The following FAM171A1 variants were observed in gnomAD, a reference collection of about 807,000 sequenced individuals.
FAM171A1 encodes family with sequence similarity 171 member A1, also known as protein FAM171A1.
A neutral mutation model predicts 74.9 loss-of-function variants in FAM171A1; 23 were observed. That is an observed-to-expected ratio of 0.31 (90% CI 0.22 to 0.44). The LOEUF (loss-of-function observed/expected upper bound fraction) is 0.44. Ranked by LOEUF, FAM171A1 falls within the 20% of genes least tolerant of loss-of-function variation. The pLI is 1.00. For synonymous variants in FAM171A1, 527 were observed against 505.7 expected, an observed-to-expected ratio of 1.04 and a Z score of -0.57; for missense variants, 1,162 against 1,159.2, an observed-to-expected ratio of 1.00 and a Z score of -0.03.
At chr10:15,275,232 C>G (rs1834878299) in intron 3 of FAM171A1, among the ~76,000 whole-genome samples, 1 of 151,666 alleles carries the variant, frequency 6.6e-6, no homozygotes, top group Non-Finnish European at 1.5e-5. Context: ...GCACATGCAC[C>G]CTAGAACTTA....
intron 5 of FAM171A1, among the ~76,000 whole-genome samples, chr10:15,244,379 G>T (rs1343195318): frequency 1.3e-5 from 2 of 152,010 alleles, no homozygotes; most frequent in Admixed American, 6.5e-5. Flanking sequence ...AATTAGCTAG[G>T]CCTGGTGACC....
intron 1 of FAM171A1, among the ~76,000 whole-genome samples, chr10:15,287,327 C>T (rs1230498507): frequency 6.6e-6 from 1 of 151,260 alleles, no homozygotes; most frequent in Non-Finnish European, 1.5e-5. Flanking sequence ...CTCCTGACCA[C>T]GTGATCTGCC....
Position 15,214,611 on chromosome 10 carries a change from A to G in FAM171A1, c.987-10T>C. 1.3e-6 allele frequency: 2 copies of G among 1,565,764 alleles called. No homozygotes were observed. The highest frequency in any genetic ancestry group is 8.6e-7 in the Non-Finnish European group (1 of 1,157,520). On this transcript the variant is annotated splice_polypyrimidine_tract_variant and intron_variant, in intron 7 of 7. Transcript: ENST00000378116. ...TTTCAAGCACTTCCTCCTGCGCCCA[A>G]AGACACAATCCAAAGCCAAAGATTA...
chr10:15,292,626 A>G (rs1835115699), intron 1 of FAM171A1, among the ~76,000 whole-genome samples: 1 of 152,048 alleles, frequency 6.6e-6, no homozygotes, highest in Admixed American at 6.6e-5. Context: ...GATTACAGGG[A>G]CATGCCACCA....
chr10:15,270,098 C>T (rs187460654), intron 3 of FAM171A1, among the ~76,000 whole-genome samples: 4 of 152,140 alleles, frequency 2.6e-5, no homozygotes, highest in Admixed American at 6.5e-5. Flanking sequence ...ACCTAGGAAG[C>T]GCAACGGGTC....
intron 3 of FAM171A1, among the ~76,000 whole-genome samples, chr10:15,270,742 C>T (rs1377090131): frequency 6.6e-5 from 10 of 152,174 alleles, no homozygotes; most frequent in African/African-American, 9.7e-5. Context: ...CTGCAGCCTC[C>T]GCTGGTGATA....
At chr10:15,312,673 G>GTTTTTTTTTTTTTTTTTTTTTTTTTTTTT (rs1169098742) in intron 1 of FAM171A1, among the ~76,000 whole-genome samples, 1 of 36,402 alleles carries the variant, frequency 2.7e-5, no homozygotes, top group Non-Finnish European at 4.7e-5. Flanking sequence ...AGCACTGTGT[G>GTTTTTTTTTTTTTTTTTTTTTTTTTTTTT]TTTTTTTTTT....
At chr10:15,236,856 C>G (rs1333635848) in intron 5 of FAM171A1, among the ~76,000 whole-genome samples, 2 of 149,508 alleles carry the variant, frequency 1.3e-5, no homozygotes, top group African/African-American at 4.9e-5. Flanking sequence ...CTTTGGGAGG[C>G]TGAGGCAGGA....
intron 1 of FAM171A1, among the ~76,000 whole-genome samples, chr10:15,349,983 G>A (rs1278164077): frequency 1.3e-5 from 2 of 152,078 alleles, no homozygotes; most frequent in African/African-American, 4.8e-5. Flanking sequence ...GGTTGAAGAT[G>A]AACCAACCAA....
intron 5 of FAM171A1, among the ~76,000 whole-genome samples, chr10:15,242,856 A>G (rs1419454173): frequency 6.6e-6 from 1 of 152,108 alleles, no homozygotes; most frequent in Non-Finnish European, 1.5e-5. Context: ...TGTCATGGTT[A>G]TTTTTTCAGA....
intron 1 of FAM171A1, among the ~76,000 whole-genome samples, chr10:15,298,099 G>C (rs976301926): frequency 6.6e-6 from 1 of 151,796 alleles, no homozygotes; most frequent in Non-Finnish European, 1.5e-5. Flanking sequence ...ATATACATTT[G>C]ACAGCAAAAC....
intron 5 of FAM171A1, among the ~76,000 whole-genome samples, chr10:15,248,438 C>G (rs538822278): frequency 6.6e-6 from 1 of 152,228 alleles, no homozygotes; most frequent in South Asian, 2.1e-4. Context: ...AATATGAAAA[C>G]TAACAAAAAA....
intron 1 of FAM171A1, among the ~76,000 whole-genome samples, chr10:15,334,303 A>G (rs926164170): frequency 6.6e-6 from 1 of 152,174 alleles, no homozygotes; most frequent in African/African-American, 2.4e-5. Context: ...AGATACCATC[A>G]TCTCCTTGCA....
intron 1 of FAM171A1, among the ~76,000 whole-genome samples, chr10:15,328,621 T>C (rs1835587571): frequency 6.6e-6 from 1 of 152,224 alleles, no homozygotes; most frequent in South Asian, 2.1e-4. Context: ...TGAGCTGCAG[T>C]AGTGCAGGCA....
At chr10:15,339,511 TTTTG>T (rs1048868388) in intron 1 of FAM171A1, among the ~76,000 whole-genome samples, 45 of 152,304 alleles carry the variant, frequency 3.0e-4, no homozygotes, top group African/African-American at 1.0e-3. Context: ...TTTTCTGATG[TTTTG>T]TTTATGATTT....
At chr10:15,279,587 T>C (rs553603293) in intron 2 of FAM171A1, among the ~76,000 whole-genome samples, 19 of 152,260 alleles carry the variant, frequency 1.2e-4, no homozygotes, top group African/African-American at 4.3e-4. Context: ...GGAAGATTTT[T>C]TGACGCAGAA....
intron 1 of FAM171A1, among the ~76,000 whole-genome samples, chr10:15,312,457 G>A (rs1255422553): frequency 6.6e-6 from 1 of 151,552 alleles, no homozygotes; most frequent in Non-Finnish European, 1.5e-5. Flanking sequence ...AGCTTGCTCT[G>A]GTTAAAGCCA....
chr10:15,329,279 G>C (rs1835597942), intron 1 of FAM171A1, among the ~76,000 whole-genome samples: 2 of 152,216 alleles, frequency 1.3e-5, no homozygotes, highest in African/African-American at 2.4e-5. Context: ...GTAGGCTGCA[G>C]GGAAACCACT....
At chr10:15,333,573 A>T (rs1835666610) in intron 1 of FAM171A1, among the ~76,000 whole-genome samples, 1 of 152,118 alleles carries the variant, frequency 6.6e-6, no homozygotes, top group Non-Finnish European at 1.5e-5. Flanking sequence ...TCACACCTGT[A>T]ATCCCAGCAC....
Sources: gnomAD v4.1 joint callset for allele counts (sites outside exome capture counted in the v4.1 genomes callset) on GRCh38, gnomAD v4.1.1 for gene constraint, MANE v1.5 for transcripts, NCBI Gene and HGNC (gene_info 2026-07-23, HGNC 2026-07-21) for gene names.